Variants in C6orf118 observed in about 807,000 individuals in gnomAD.
C6orf118 encodes chromosome 6 open reading frame 118.
Under a neutral mutation model 50.2 loss-of-function variants are expected in C6orf118, and 50 were observed. That is an observed-to-expected ratio of 1.00 (90% confidence interval 0.79 to 1.26). C6orf118 has a LOEUF of 1.26. Ranked by LOEUF, C6orf118 falls within the 50% of genes most tolerant of loss-of-function variation. The pLI, the probability that C6orf118 is intolerant of heterozygous loss-of-function variation, is 0.00. For missense variants in C6orf118, 641 were observed against 578.7 expected, an observed-to-expected ratio of 1.11 and a Z score of -1.10; for synonymous variants, 239 against 230.9, an observed-to-expected ratio of 1.03 and a Z score of -0.32.
chr6:165,284,638 C>T (rs1205712193), intron 7 of C6orf118, among the ~76,000 whole-genome samples: 1 of 152,130 alleles, frequency 6.6e-6, no homozygotes, highest in Non-Finnish European at 1.5e-5. Context: ...CAGTGGAAAC[C>T]TTACAAGCCA....
chr6:165,290,576 A>G, intron 6 of C6orf118, among the ~76,000 whole-genome samples: 1 of 152,058 alleles, frequency 6.6e-6, no homozygotes, highest in East Asian at 1.9e-4. Flanking sequence ...TTGAGGGACA[A>G]TCCTAGGAGG....
At chr6:165,301,522 GCCCTGAGAGCTCTT>G (rs764921328) in intron 2 of C6orf118, 33 bp downstream of exon 2, 6 of 1,564,530 alleles carry the variant, frequency 3.8e-6, no homozygotes, top group Admixed American at 3.5e-5. Context: ...CGAGAGCTAT[GCCCTGAGAGCTCTT>G]CCCTGAGACC....
At chr6:165,307,129 T>A (rs558305962) in intron 1 of C6orf118, among the ~76,000 whole-genome samples, 1 of 152,322 alleles carries the variant, frequency 6.6e-6, no homozygotes, top group South Asian at 2.1e-4. Context: ...GGTTAATACA[T>A]ATTGCCAAAA....
chr6:165,281,599 A>G, intron 8 of C6orf118, 41 bp downstream of exon 8: 3 of 1,482,180 alleles, frequency 2.0e-6, no homozygotes, highest in Non-Finnish European at 2.7e-6. Context: ...ACCAGAGGAA[A>G]TATTTTTATT....
chr6:165,290,251 C>T (rs1034004411), intron 6 of C6orf118, among the ~76,000 whole-genome samples, 184 bp from the exon 7 acceptor site: 16 of 152,132 alleles, frequency 1.1e-4, no homozygotes, highest in African/African-American at 3.9e-4. Flanking sequence ...TCCTTTAATT[C>T]ATTCCTCTAA....
intron 7 of C6orf118, among the ~76,000 whole-genome samples, chr6:165,282,202 G>A (rs1368434898): frequency 6.6e-6 from 1 of 152,018 alleles, no homozygotes; most frequent in Non-Finnish European, 1.5e-5. Context: ...CCAGATAGGA[G>A]TATTAATATT....
At chr6:165,299,201 C>T (rs1053612567) in intron 4 of C6orf118, among the ~76,000 whole-genome samples, 3 of 152,190 alleles carry the variant, frequency 2.0e-5, no homozygotes, top group Non-Finnish European at 2.9e-5. Context: ...CCAATTTATA[C>T]ATAGATAGTT....
intron 7 of C6orf118, among the ~76,000 whole-genome samples, chr6:165,286,683 A>G (rs1330124152): frequency 6.6e-6 from 1 of 152,198 alleles, no homozygotes; most frequent in Non-Finnish European, 1.5e-5. Context: ...CCACATGATT[A>G]TCTGAACAGA....
At chr6:165,307,216 C>A (rs1222502785) in intron 1 of C6orf118, among the ~76,000 whole-genome samples, 2 of 146,822 alleles carry the variant, frequency 1.4e-5, no homozygotes, top group South Asian at 2.3e-4. Context: ...CCCCACCCCC[C>A]CCACCCCACC....
chr6:165,284,619 C>T (rs1454031213), intron 7 of C6orf118, among the ~76,000 whole-genome samples: 1 of 152,170 alleles, frequency 6.6e-6, no homozygotes, highest in African/African-American at 2.4e-5. Flanking sequence ...AGACTAACAG[C>T]ATGCCTCCCA....
intron 7 of C6orf118, among the ~76,000 whole-genome samples, chr6:165,287,018 A>G (rs906263625): frequency 6.6e-6 from 1 of 152,216 alleles, no homozygotes; most frequent in Non-Finnish European, 1.5e-5. Context: ...ATGATTCTAC[A>G]TCTAGAAAAT....
At chr6:165,298,612 C>T (rs1780400070) in intron 4 of C6orf118, among the ~76,000 whole-genome samples, 1 of 152,178 alleles carries the variant, frequency 6.6e-6, no homozygotes, top group Non-Finnish European at 1.5e-5. Flanking sequence ...TTTTTTCATG[C>T]TCACATTTGA....
chr6:165,298,046 A>C lies in C6orf118; in HGVS notation c.992T>G (p.Met331Arg). Residue 331 changes from methionine (M) to arginine (R), a missense_variant, in exon 5 of 9, where the codon ATG becomes AGG. Physicochemically the swap from Met to Arg is moderately conservative, Grantham distance 91 (BLOSUM62 -1). Coordinates refer to ENST00000230301, the MANE Select transcript of C6orf118 (RefSeq NM_144980.4). ...CCTCAGCTCTTCCCTGGCGAGATCC[A>C]TGTCCGCCGTCTTCACCGGCCTCTG... ...LGQRPVKTAD[M>R]DLAREELRML... The C allele has an allele frequency of 1.9e-6, 3 of 1,613,596 alleles. No homozygotes were observed. Among genetic ancestry groups the C allele is most frequent in the Non-Finnish European group, 2.5e-6 (3 of 1,179,800 alleles).
intron 2 of C6orf118, among the ~76,000 whole-genome samples, chr6:165,300,693 T>A (rs1001485150): frequency 1.8e-4 from 28 of 152,050 alleles, no homozygotes; most frequent in Middle Eastern, 3.4e-3. Flanking sequence ...GGGATTTTTT[T>A]AAAAAAATCT....
intron 7 of C6orf118, among the ~76,000 whole-genome samples, chr6:165,284,512 T>C (rs1192062298): frequency 6.6e-6 from 1 of 151,980 alleles, no homozygotes; most frequent in East Asian, 1.9e-4. Context: ...AACCCCAATA[T>C]ACATAATCAT....
At chr6:165,280,135 C>G (rs1413100) in intron 8 of C6orf118, 25 bp from the exon 9 acceptor site, 1 of 1,499,610 alleles carries the variant, frequency 6.7e-7, no homozygotes, top group Non-Finnish European at 9.1e-7. Flanking sequence ...GAAATGAATA[C>G]CATAGGTTAG....
At chr6:165,307,949 T>C (rs1780806727) in intron 1 of C6orf118, among the ~76,000 whole-genome samples, 1 of 152,180 alleles carries the variant, frequency 6.6e-6, no homozygotes, top group African/African-American at 2.4e-5. Flanking sequence ...CCACTGAGAT[T>C]GCAATCTGGC....
chr6:165,301,472 G>C (rs1332434877), intron 2 of C6orf118, 97 bp downstream of exon 2: 5 of 1,474,780 alleles, frequency 3.4e-6, no homozygotes, highest in Non-Finnish European at 4.5e-6. Context: ...GCTCTGCCCC[G>C]AGAGGTTTGC....
intron 7 of C6orf118, 97 bp downstream of exon 7, chr6:165,289,789 T>C: frequency 1.4e-6 from 1 of 736,076 alleles, no homozygotes; most frequent in Non-Finnish European, 2.0e-6. Context: ...AATTTTATGA[T>C]TTTTTTACCC....
Sources: allele counts gnomAD v4.1 joint callset (sites outside exome capture counted in the v4.1 genomes callset), GRCh38; gene constraint gnomAD v4.1.1; transcripts MANE v1.5; gene names NCBI Gene and HGNC (gene_info 2026-07-23, HGNC 2026-07-21).